The following DNASE1 variants were observed in gnomAD, a reference collection of about 807,000 sequenced individuals.
The protein encoded by DNASE1 is deoxyribonuclease 1.
A neutral mutation model predicts 33.9 loss-of-function variants in DNASE1; 40 were observed. That is an observed-to-expected ratio of 1.18 (90% CI 0.92 to 1.54). The LOEUF is 1.54. DNASE1 is among the 40% of genes most tolerant of loss of function. The probability of loss-of-function intolerance (pLI) is 0.00; values close to 1 mark genes in which losing one functional copy is unlikely to be tolerated. For missense variants in DNASE1, 518 were observed against 372.6 expected, an observed-to-expected ratio of 1.39 and a Z score of -3.21; for synonymous variants, 216 against 160.0, an observed-to-expected ratio of 1.35 and a Z score of -2.64.
upstream of DNASE1, chr16:3,641,011 ACT>A (rs1253708695): frequency 7.5e-6 from 3 of 398,314 alleles, no homozygotes; most frequent in Non-Finnish European, 1.3e-5. Flanking sequence ...GGATGTGGTC[ACT>A]CTGGATTTGG....
In DNASE1 at chr16:3,654,845, A is replaced by G. The variant is rs1245656526; in HGVS notation, c.-201A>G. On this transcript the variant is annotated 5_prime_UTR_variant, in exon 1 of 9. It removes the in-frame stop codon of an upstream open reading frame in the 5' UTR. Transcript: ENST00000246949. ...GAAGGTCACAGCTGCCTGAACTTTT[A>G]AAACTCCCAGACACGCACTGCCTGT... 9.9e-6 allele frequency: 4 copies of G among 405,046 alleles called. No individual in the cohort carries two copies. Among genetic ancestry groups the G allele is most frequent in the Middle Eastern group, 6.2e-4 (1 of 1,622 alleles). The allele number at this position is 405,046 out of a possible 1,614,324, so 25.1% of individuals were successfully genotyped here.
At chr16:3,661,873 A>G (rs982102020), downstream of DNASE1, 2 of 1,344,596 alleles carry the variant, frequency 1.5e-6, no homozygotes, top group South Asian at 1.6e-5. Flanking sequence ...AGTTACCCAC[A>G]TGTCCACAGG....
At chr16:3,657,147 C>A (rs760269041) in intron 6 of DNASE1, 36 bp downstream of exon 6, 1 of 1,614,122 alleles carries the variant, frequency 6.2e-7, no homozygotes, top group Admixed American at 1.7e-5. Context: ...CACCAGCGGC[C>A]TCCGCATGTC....
At chr16:3,656,861 G>C (rs1301696801) in intron 5 of DNASE1, 108 bp downstream of exon 5, 2 of 1,543,516 alleles carry the variant, frequency 1.3e-6, no homozygotes, top group South Asian at 1.2e-5. Context: ...CCAGTCCCTG[G>C]GGCTTGGGTT....
upstream of DNASE1, among the ~76,000 whole-genome samples, chr16:3,640,091 G>C (rs60860998): frequency 8.1e-3 from 1,233 of 152,264 alleles, 18 homozygotes; most frequent in African/African-American, 0.029. Context: ...GGCCTTCTGC[G>C]GAGTCTACCC....
exon 10 of DNASE1, chr16:3,664,710 T>A: frequency 2.1e-6 from 1 of 467,322 alleles, no homozygotes. Flanking sequence ...TCCAGGGAGC[T>A]ACGCGCACCA....
At chr16:3,630,181 TTTG>T (rs373075478) in intron 1 of DNASE1, among the ~76,000 whole-genome samples, 51 of 152,068 alleles carry the variant, frequency 3.4e-4, no homozygotes, top group African/African-American at 1.1e-3. Context: ...TTTTGTTGTT[TTTG>T]TTGTTGTTGT....
chr16:3,638,573 C>T (rs984623268), upstream of DNASE1, among the ~76,000 whole-genome samples: 6 of 152,286 alleles, frequency 3.9e-5, 1 homozygote, highest in South Asian at 6.2e-4. Context: ...CTCCTGACCT[C>T]GTGATCCGCC....
At chr16:3,658,164 T>G (rs2042825786), downstream of DNASE1, 4 of 1,613,938 alleles carry the variant, frequency 2.5e-6, no homozygotes, top group Non-Finnish European at 3.4e-6. Flanking sequence ...AGCAGCTCAT[T>G]CAAGCGGCCC....
At chr16:3,619,954 C>T (rs2041247757) in intron 1 of DNASE1, among the ~76,000 whole-genome samples, 1 of 142,370 alleles carries the variant, frequency 7.0e-6, no homozygotes, top group Non-Finnish European at 1.5e-5. Context: ...CTTGCTCTGT[C>T]ACCTAGGCTG....
exon 10 of DNASE1, chr16:3,664,253 CCCCACCCACCG>C: frequency 1.9e-6 from 3 of 1,545,354 alleles, no homozygotes; most frequent in Non-Finnish European, 2.6e-6. Flanking sequence ...CCGGAGCCCG[CCCCACCCACCG>C]CTCACCCACC....
At chr16:3,623,963 T>C (rs2151165745) in intron 1 of DNASE1, among the ~76,000 whole-genome samples, 1 of 152,272 alleles carries the variant, frequency 6.6e-6, no homozygotes, top group South Asian at 2.1e-4. Flanking sequence ...TTAATGGGAC[T>C]GTAAATTACT....
upstream of DNASE1, chr16:3,654,597 A>G (rs1596641264): frequency 2.5e-6 from 1 of 398,610 alleles, no homozygotes; most frequent in East Asian, 3.6e-5. Flanking sequence ...ATCCTGGAAG[A>G]TGGGGGCCAC....
At chr16:3,639,601 G>A (rs1446837744), upstream of DNASE1, among the ~76,000 whole-genome samples, 1 of 152,206 alleles carries the variant, frequency 6.6e-6, no homozygotes, top group Non-Finnish European at 1.5e-5. Flanking sequence ...AGGATGTTCT[G>A]TGGATTTCTC....
At chr16:3,654,129 AAAC>A (rs1567206335), upstream of DNASE1, 1 of 364,314 alleles carries the variant, frequency 2.7e-6, no homozygotes, top group Admixed American at 4.6e-5. Context: ...TAAAAACCCA[AAAC>A]AAAAGAACCA....
chr16:3,658,827 C>G (rs141749443), downstream of DNASE1: 7 of 1,613,866 alleles, frequency 4.3e-6, no homozygotes, highest in Non-Finnish European at 5.9e-6. Flanking sequence ...GCCAGGCTCG[C>G]TTGCGCGCAG....
chr16:3,662,535 A>G, downstream of DNASE1: 1 of 536,026 alleles, frequency 1.9e-6, no homozygotes, highest in Non-Finnish European at 3.5e-6. Context: ...ACCCCCGACT[A>G]AGCACCCAAG....
upstream of DNASE1, among the ~76,000 whole-genome samples, chr16:3,642,058 G>A (rs568331553): frequency 2.1e-3 from 322 of 152,356 alleles, 1 homozygote; most frequent in African/African-American, 7.5e-3. Context: ...GTGGCCCCAG[G>A]ACTGTGGACT....
intron 1 of DNASE1, among the ~76,000 whole-genome samples, chr16:3,634,832 A>G (rs1042504268): frequency 6.6e-6 from 1 of 151,742 alleles, no homozygotes; most frequent in Non-Finnish European, 1.5e-5. Flanking sequence ...AATATTAATA[A>G]TAGAGTCAGA....
Sources: allele counts gnomAD v4.1 joint callset (sites outside exome capture counted in the v4.1 genomes callset), GRCh38; gene constraint gnomAD v4.1.1; transcripts MANE v1.5; gene names NCBI Gene and HGNC (gene_info 2026-07-23, HGNC 2026-07-21).